The following RHCG variants were observed in gnomAD, a reference collection of about 807,000 sequenced individuals.
The protein encoded by RHCG is Rh family C glycoprotein.
Under a neutral mutation model 55.3 loss-of-function variants are expected in RHCG, and 39 were observed. The observed-to-expected ratio is 0.70, with a 90% confidence interval of 0.55 to 0.92. The LOEUF is 0.92. Among genes scored for constraint, RHCG ranks in the 40% least tolerant of loss-of-function variants. The pLI, the probability that RHCG is intolerant of heterozygous loss-of-function variation, is 0.00. For synonymous variants in RHCG, 250 were observed against 246.8 expected, an observed-to-expected ratio of 1.01 and a Z score of -0.12; for missense variants, 635 against 627.9, an observed-to-expected ratio of 1.01 and a Z score of -0.12.
chr15:89,486,793 G>C lies in RHCG; in HGVS notation c.371+6C>G. The C allele has an allele frequency of 6.3e-7, 1 of 1,581,948 alleles. No homozygotes were observed. Among genetic ancestry groups the C allele is most frequent in the South Asian group, 1.1e-5 (1 of 87,894 alleles). ...GCCACGCCCCCGGGGCCCGCCCTGC[G>C]CTCACTTCTCCACGCCCACGACGAT... On this transcript the variant is annotated splice_donor_region_variant and intron_variant, in intron 2 of 10. Coordinates refer to ENST00000268122, the MANE Select transcript of RHCG (RefSeq NM_016321.3).
chr15:89,482,926 T>C (rs1961293096), intron 3 of RHCG, 141 bp downstream of exon 3: 3 of 785,780 alleles, frequency 3.8e-6, no homozygotes, highest in Non-Finnish European at 5.7e-6. Context: ...ACTCCCACTT[T>C]AGAGATGAGA....
chr15:89,493,422 T>G (rs958905757), intron 1 of RHCG, among the ~76,000 whole-genome samples: 1 of 152,220 alleles, frequency 6.6e-6, no homozygotes, highest in African/African-American at 2.4e-5. Context: ...GCCTGCTACC[T>G]GCTGCAGGGC....
chr15:89,477,227 A>C lies in RHCG; in HGVS notation c.1113-21T>G. ...CAAGCCTGGGGTGGAGACAGGGGGC[A>C]GGTCAGGGCCCCATGGAGAGGCCAA... is the stretch of plus-strand genomic sequence containing the variant. On this transcript the variant is annotated intron_variant, in intron 7 of 10. Coordinates refer to ENST00000268122, the MANE Select transcript of RHCG (RefSeq NM_016321.3). The surrounding 1 kb of genome is among the most constrained non-coding windows in gnomAD (Gnocchi z 4.5). 1 of 1,613,688 alleles carries C rather than the reference A, an allele frequency of 6.2e-7. No homozygotes were observed. Among genetic ancestry groups the C allele is most frequent in the Non-Finnish European group, 8.5e-7 (1 of 1,179,802 alleles).
chr15:89,487,236 G>T (rs2141898939), intron 1 of RHCG, among the ~76,000 whole-genome samples: 1 of 152,300 alleles, frequency 6.6e-6, no homozygotes, highest in East Asian at 1.9e-4. Flanking sequence ...GCGCTGGGGG[G>T]GACCCGAGGT....
intron 9 of RHCG, among the ~76,000 whole-genome samples, chr15:89,475,327 C>G (rs543185579): frequency 2.0e-5 from 3 of 152,306 alleles, no homozygotes; most frequent in East Asian, 1.9e-4. Flanking sequence ...CCTCTGCCCC[C>G]CCGCCCCAGG....
intron 3 of RHCG, among the ~76,000 whole-genome samples, chr15:89,482,748 A>T (rs1170744392): frequency 1.3e-5 from 2 of 152,148 alleles, no homozygotes; most frequent in African/African-American, 4.8e-5. Flanking sequence ...AGGAATCTGG[A>T]AATGTGGTAT....
In RHCG at chr15:89,491,057, G is replaced by A. The variant is rs141509826; in HGVS notation, c.185-4072C>T. Among the ~76,000 whole-genome samples the A allele has an allele frequency of 1.6e-4, 24 of 152,322 alleles. No homozygotes were observed. The South Asian group carries it at 4.6e-3, about 29-fold the overall frequency. ...GGTCCTTTCGATGAGAAGGGTGTCA[G>A]TTGCCTGGTGGTATAGAGGCGACAT... is the stretch of plus-strand genomic sequence containing the variant. On this transcript the variant is annotated intron_variant, in intron 1 of 10. Coordinates refer to ENST00000268122, the MANE Select transcript of RHCG (RefSeq NM_016321.3).
intron 9 of RHCG, among the ~76,000 whole-genome samples, chr15:89,474,996 T>G (rs1266672735): frequency 3.8e-5 from 5 of 131,072 alleles, no homozygotes; most frequent in East Asian, 2.1e-4. Flanking sequence ...CTGCCTGCCT[T>G]CCTTCCTTCC....
At chr15:89,474,802 CTG>C (rs1961104484) in intron 9 of RHCG, among the ~76,000 whole-genome samples, 2 of 130,316 alleles carry the variant, frequency 1.5e-5, no homozygotes, top group African/African-American at 5.4e-5. Context: ...TCCTTCCTGC[CTG>C]CCTTCCTTCC....
At position 89,476,838 on chromosome 15, in the gene RHCG, G is replaced by A. The variant is rs747567913; in HGVS notation, c.1238-10C>T. The stretch of plus-strand genomic sequence containing the variant: ...AATCTCAAAATGAGCCCTACAGAAA[G>A]TTGGAGATTACAGGATGTCAGGAAG... On this transcript the variant is annotated splice_polypyrimidine_tract_variant and intron_variant, in intron 8 of 10. Transcript: ENST00000268122. 48 of 1,612,286 alleles carry A rather than the reference G, an allele frequency of 3.0e-5. No individual in the cohort carries two copies. Among genetic ancestry groups the A allele is most frequent in the Non-Finnish European group, 3.8e-5 (45 of 1,178,432 alleles).
At chr15:89,496,292 C>T in intron 1 of RHCG, 69 bp downstream of exon 1, 1 of 1,547,728 alleles carries the variant, frequency 6.5e-7, no homozygotes, top group Non-Finnish European at 8.9e-7. Context: ...CAGCTCTGGG[C>T]CGAGCCCTTG....
chr15:89,495,822 G>GA (rs1006591891), intron 1 of RHCG, among the ~76,000 whole-genome samples: 25 of 152,244 alleles, frequency 1.6e-4, no homozygotes, highest in African/African-American at 5.8e-4. Context: ...GAGCATGAGA[G>GA]AAAGGGAGGT....
chr15:89,477,282 G>C lies in RHCG; in HGVS notation c.1113-76C>G. 1 of 1,584,164 alleles carries C rather than the reference G, an allele frequency of 6.3e-7. No homozygotes were observed. The highest frequency in any genetic ancestry group is 8.6e-7 in the Non-Finnish European group (1 of 1,158,814). On this transcript the variant is annotated intron_variant, in intron 7 of 10. Coordinates refer to ENST00000268122, the MANE Select transcript of RHCG (RefSeq NM_016321.3). The surrounding 1 kb of genome is among the most constrained non-coding windows in gnomAD (Gnocchi z 4.5). ...CAGCTTGCTGCCACCCCAAAAATGTGACCGGGTACCACGGGCCTCAGCCTT... is the reference window on the plus strand; with the variant it reads ...CAGCTTGCTGCCACCCCAAAAATGTCACCGGGTACCACGGGCCTCAGCCTT...
chr15:89,484,550 G>A (rs1030856182), intron 2 of RHCG, among the ~76,000 whole-genome samples: 1 of 152,098 alleles, frequency 6.6e-6, no homozygotes, highest in African/African-American at 2.4e-5. Flanking sequence ...GGGAGGCCGA[G>A]GCAGGTGGAT....
At chr15:89,483,542 C>A (rs1961307181) in intron 2 of RHCG, among the ~76,000 whole-genome samples, 1 of 152,138 alleles carries the variant, frequency 6.6e-6, no homozygotes, top group African/African-American at 2.4e-5. Flanking sequence ...TATTTGGGGT[C>A]CTTCCCTGCC....
intron 2 of RHCG, among the ~76,000 whole-genome samples, chr15:89,484,039 A>T (rs1257302949): frequency 6.6e-6 from 1 of 152,106 alleles, no homozygotes; most frequent in Admixed American, 6.5e-5. Flanking sequence ...ATTCCAAGGC[A>T]AGACCCTCAG....
chr15:89,488,172 T>A (rs1394174599), intron 1 of RHCG, among the ~76,000 whole-genome samples: 1 of 152,222 alleles, frequency 6.6e-6, no homozygotes, highest in Non-Finnish European at 1.5e-5. Context: ...TTATGTGTTA[T>A]AATGAATTAA....
chr15:89,495,879 G>C (rs565807878), intron 1 of RHCG, among the ~76,000 whole-genome samples: 1 of 152,356 alleles, frequency 6.6e-6, no homozygotes, highest in Non-Finnish European at 1.5e-5. Flanking sequence ...GCTGACACCA[G>C]AAGATTCAGG....
In RHCG at chr15:89,486,595, A is replaced by AGTGTGTGTGT. The variant is rs750785557; in HGVS notation, c.371+203_371+204insACACACACAC. 3.5e-4 allele frequency: 118 copies of AGTGTGTGTGT among 333,384 alleles called. 1 individual carries two copies. Among genetic ancestry groups the AGTGTGTGTGT allele is most frequent in the East Asian group, 1.7e-3 (20 of 11,950 alleles). 20.7% of individuals were successfully genotyped at this position (333,384 alleles called of 1,614,324 possible). On this transcript the variant is annotated intron_variant, in intron 2 of 10. Coordinates refer to ENST00000268122, the MANE Select transcript of RHCG (RefSeq NM_016321.3). ...GAGAGAGAGAGAGAGAGAGAGAGAG[A>AGTGTGTGTGT]GAGAGTGTGTGTGTGTGTGTGTGTG...
Sources: gnomAD v4.1 joint callset for allele counts (sites outside exome capture counted in the v4.1 genomes callset) on GRCh38, gnomAD v4.1.1 for gene constraint, Gnocchi (gnomAD v3.1) non-coding constraint, MANE v1.5 for transcripts, NCBI Gene and HGNC (gene_info 2026-07-23, HGNC 2026-07-21) for gene names.